The following HEXIM2 variants were observed in gnomAD, a reference collection of about 807,000 sequenced individuals.
The protein encoded by HEXIM2 is HEXIM P-TEFb complex subunit 2, also known as protein HEXIM2.
For synonymous variants in HEXIM2, 159 were observed against 162.7 expected, an observed-to-expected ratio of 0.98 and a Z score of 0.17; for missense variants, 413 against 390.8, an observed-to-expected ratio of 1.06 and a Z score of -0.48.
chr17:45,168,353 C>T (rs2042923100), intron 3 of HEXIM2, among the ~76,000 whole-genome samples: 2 of 151,530 alleles, frequency 1.3e-5, no homozygotes, highest in Admixed American at 1.3e-4. Flanking sequence ...CGTGGTGGCA[C>T]GTGCCTGTGA....
At chr17:45,168,913 C>T in intron 3 of HEXIM2, 102 bp from the exon 4 acceptor site, 1 of 1,120,242 alleles carries the variant, frequency 8.9e-7, no homozygotes, top group South Asian at 1.5e-5. Context: ...ACCAAGTTAG[C>T]TGAGTGTAGG....
intron 3 of HEXIM2, among the ~76,000 whole-genome samples, chr17:45,168,086 G>A (rs533995463): frequency 1.4e-5 from 2 of 145,832 alleles, no homozygotes; most frequent in East Asian, 2.1e-4. Flanking sequence ...GTTTCACCAT[G>A]TTGGCCATCC....
chr17:45,168,624 A>G (rs1328484563), intron 3 of HEXIM2, among the ~76,000 whole-genome samples: 1 of 152,038 alleles, frequency 6.6e-6, no homozygotes, highest in Non-Finnish European at 1.5e-5. Context: ...TTCTGGGAAG[A>G]GGGAAGAGCC....
chr17:45,163,096 G>T (rs2042747054), intron 3 of HEXIM2, among the ~76,000 whole-genome samples: 1 of 152,154 alleles, frequency 6.6e-6, no homozygotes, highest in Non-Finnish European at 1.5e-5. Flanking sequence ...GGCCTAGGTG[G>T]GTGGATCACC....
Position 45,162,546 on chromosome 17 carries a change from G to T in HEXIM2, c.-134G>T. 7.4e-7 allele frequency: 1 copy of T among 1,351,388 alleles called. No individual in the cohort carries two copies. The highest frequency in any genetic ancestry group is 9.5e-7 in the Non-Finnish European group (1 of 1,047,522). The allele number at this position is 1,351,388 out of a possible 1,614,324, so 83.7% of individuals were successfully genotyped here. A position where few individuals can be genotyped will look rare whatever the true frequency, so the allele number is the denominator to read the frequency against. On this transcript the variant is annotated 5_prime_UTR_variant, in exon 2 of 4. Coordinates refer to ENST00000589230, the MANE Select transcript of HEXIM2 (RefSeq NM_001303441.2). Reference sequence around the variant, plus strand: ...ACCCGAGGAGCAGGACAGAGAAGACGGCCCCTGAATCCCATTTGGCCCCTT... The same window carrying T: ...ACCCGAGGAGCAGGACAGAGAAGACTGCCCCTGAATCCCATTTGGCCCCTT...
chr17:45,162,676 G>A, intron 2 of HEXIM2, 41 bp downstream of exon 2: 1 of 1,580,560 alleles, frequency 6.3e-7, no homozygotes, highest in South Asian at 1.1e-5. Context: ...CACTGCCTGG[G>A]CAAACAATTC....
upstream of HEXIM2, chr17:45,160,605 T>C (rs1165156727): frequency 2.7e-5 from 7 of 259,798 alleles, no homozygotes; most frequent in Non-Finnish European, 4.8e-5. Context: ...TCCGTTTCTA[T>C]TTCGGAGCCG....
intron 3 of HEXIM2, among the ~76,000 whole-genome samples, chr17:45,165,509 G>A (rs1004121190): frequency 2.6e-5 from 4 of 152,044 alleles, no homozygotes; most frequent in African/African-American, 9.7e-5. Flanking sequence ...CACAAACTTA[G>A]AGCAATTCAT....
upstream of HEXIM2, chr17:45,160,817 C>A: frequency 1.2e-6 from 1 of 856,710 alleles, no homozygotes; most frequent in Non-Finnish European, 1.7e-6. Context: ...AGGCACCGAG[C>A]TCGTGAAGGT....
chr17:45,169,772 G>C lies in HEXIM2; in HGVS notation c.824G>C (p.Arg275Pro), dbSNP rs1354253915. The change falls in exon 4 of 4, where the codon CGA becomes CCA. Residue 275 changes from arginine to proline, a missense_variant. Arg to Pro is a moderately radical substitution (Grantham distance 103, BLOSUM62 -2). Coordinates refer to ENST00000589230, the MANE Select transcript of HEXIM2 (RefSeq NM_001303441.2). The part of the protein sequence containing the change: ...RLRQENQMWN[R>P]EGCRCDEEPG... ...CGTCAGGAGAACCAGATGTGGAACC[G>C]AGAGGGCTGCCGCTGTGATGAGGAG... 1 of 1,457,598 alleles carries C rather than the reference G, an allele frequency of 6.9e-7. No homozygotes were observed. The highest frequency in any genetic ancestry group is 2.6e-5 in the Admixed American group (1 of 37,990). The allele number at this position is 1,457,598 out of a possible 1,614,324, so 90.3% of individuals were successfully genotyped here. A position where few individuals can be genotyped will look rare whatever the true frequency, so the allele number is the denominator to read the frequency against.
intron 3 of HEXIM2, among the ~76,000 whole-genome samples, chr17:45,167,613 C>T (rs1278497212): frequency 6.7e-6 from 1 of 149,602 alleles, no homozygotes; most frequent in Non-Finnish European, 1.5e-5. Context: ...AAATAAGAGT[C>T]TTTTTTGTTT....
intron 3 of HEXIM2, among the ~76,000 whole-genome samples, chr17:45,164,767 C>A (rs766638889): frequency 6.6e-6 from 1 of 152,202 alleles, no homozygotes; most frequent in South Asian, 2.1e-4. Flanking sequence ...TTGTTCGGCC[C>A]ATGTTCTCTC....
intron 3 of HEXIM2, among the ~76,000 whole-genome samples, chr17:45,168,448 T>A (rs1174552243): frequency 6.6e-6 from 1 of 151,136 alleles, no homozygotes; most frequent in African/African-American, 2.4e-5. Flanking sequence ...CACTCCAGCC[T>A]GGGTGACAGA....
rs189887483 is a variant in HEXIM2 at position 45,166,939 on chromosome 17, C to T, written c.67-2076C>T. 4.4e-3 allele frequency among the ~76,000 whole-genome samples: 650 copies of T among 146,500 alleles called. 1 individual carries two copies. Among genetic ancestry groups the T allele is most frequent in the Non-Finnish European group, 7.0e-3 (473 of 67,450 alleles). On this transcript the variant is annotated intron_variant, in intron 3 of 3. Transcript: ENST00000589230. The stretch of plus-strand genomic sequence containing the variant: ...ACTCTGGAGGCTGAGGCAGGATAAT[C>T]GCTTGAACCTGGGAGGTGGAGGTTG...
chr17:45,162,340 G>A (rs1388027575), intron 1 of HEXIM2, 148 bp from the exon 2 acceptor site: 3 of 432,036 alleles, frequency 6.9e-6, no homozygotes, highest in Non-Finnish European at 9.7e-6. Flanking sequence ...AAGGACTCGT[G>A]AGCTTGCTCC....
intron 3 of HEXIM2, among the ~76,000 whole-genome samples, chr17:45,165,401 C>T (rs1174717682): frequency 6.6e-6 from 1 of 152,168 alleles, no homozygotes; most frequent in Non-Finnish European, 1.5e-5. Flanking sequence ...CAGTACACAC[C>T]CTGTGTGCAT....
At chr17:45,166,336 A>T (rs1598139327) in intron 3 of HEXIM2, among the ~76,000 whole-genome samples, 1 of 152,006 alleles carries the variant, frequency 6.6e-6, no homozygotes, top group East Asian at 1.9e-4. Context: ...CATGTTGCCC[A>T]GGCTGGTCTT....
chr17:45,168,730 A>G (rs1463043839), intron 3 of HEXIM2: 1 of 374,704 alleles, frequency 2.7e-6, no homozygotes, highest in Non-Finnish European at 4.8e-6. Flanking sequence ...GACAGTATTT[A>G]TGGAACTCCT....
chr17:45,160,590 G>A, upstream of HEXIM2: 6 of 261,610 alleles, frequency 2.3e-5, 1 homozygote, highest in South Asian at 2.3e-4. Context: ...TACGAAATGG[G>A]CAACTCCGTT....
Sources: allele counts gnomAD v4.1 joint callset (sites outside exome capture counted in the v4.1 genomes callset), GRCh38; gene constraint gnomAD v4.1.1; transcripts MANE v1.5; gene names NCBI Gene and HGNC (gene_info 2026-07-23, HGNC 2026-07-21).